The following WDR55 variants were observed in gnomAD, a reference collection of about 807,000 sequenced individuals.
WDR55 encodes WD repeat domain 55, also known as WD repeat-containing protein 55.
WDR55 carries 31 observed loss-of-function variants against 34.0 expected under a neutral mutation model. The ratio of observed to expected loss-of-function variants is 0.91; its 90% CI spans 0.69 to 1.23. WDR55 has a LOEUF of 1.23. Among genes scored for constraint, WDR55 ranks in the 50% most tolerant of loss-of-function variants. WDR55 has a pLI of 0.00. For synonymous variants in WDR55, 164 were observed against 185.9 expected (o/e 0.88, Z 0.96); for missense variants, 440 against 494.6 (o/e 0.89, Z 1.05).
At chr5:140,667,306 G>A (rs1757950166) in intron 1 of WDR55, 3 of 283,870 alleles carry the variant, frequency 1.1e-5, no homozygotes, top group African/African-American at 6.9e-5. Flanking sequence ...CCTTTTCCGA[G>A]GATTAAATTC....
chr5:140,666,564 C>T (rs1455293780), intron 1 of WDR55: 1 of 979,122 alleles, frequency 1.0e-6, no homozygotes, highest in Non-Finnish European at 1.2e-6. Context: ...GCACCAGGTG[C>T]CATGGTACCT....
rs1332771332 is a variant in WDR55 at position 140,670,362 on chromosome 5, T to TG, written c.*708_*709insG. 6.6e-6 allele frequency: 1 copy of TG among 151,158 alleles called. No individual in the cohort carries two copies. The highest frequency in any genetic ancestry group is 1.5e-5 in the Non-Finnish European group (1 of 68,088). 9.4% of individuals were successfully genotyped at this position (151,158 alleles called of 1,614,324 possible). On this transcript the variant is annotated 3_prime_UTR_variant, in exon 7 of 7. Transcript: ENST00000358337. ...GATATGAAATTTTTTTTTTTTTTTT[T>TG]TTTGAGACAGGGTTTCGCTCTTGTT... is the stretch of plus-strand genomic sequence containing the variant.
At chr5:140,668,377 C>A (rs373304228) in intron 2 of WDR55, 38 bp from the exon 3 acceptor site, 3 of 1,614,204 alleles carry the variant, frequency 1.9e-6, no homozygotes, top group Non-Finnish European at 2.5e-6. Context: ...TGGAAGGGAG[C>A]AGTGAGCAGC....
chr5:140,668,270 G>C lies in WDR55; in HGVS notation c.228G>C (p.Glu76Asp). Residue 76 changes from glutamate to aspartate, a missense_variant, in exon 2 of 7, where the codon GAG (glutamate) becomes GAC (aspartate). By Grantham distance (45) the Glu-to-Asp change is conservative (BLOSUM62 2). Coordinates refer to ENST00000358337, the MANE Select transcript of WDR55 (RefSeq NM_017706.5). ...SYSCQEGETK[E>D]LWSSGHHLKA... ...CTTGCCAAGAGGGAGAAACCAAGGA[G>C]CTCTGGTCATCAGGTCACCATCTCA... The C allele has an allele frequency of 1.2e-6, 2 of 1,613,332 alleles. No homozygotes were observed. The highest frequency in any genetic ancestry group is 8.5e-7 in the Non-Finnish European group (1 of 1,179,412).
Position 140,665,107 on chromosome 5 carries a change from A to G in WDR55, c.191+4A>G. 6.3e-7 allele frequency: 1 copy of G among 1,585,608 alleles called. No individual in the cohort carries two copies. The highest frequency in any genetic ancestry group is 8.6e-7 in the Non-Finnish European group (1 of 1,163,502). ...ACGTGGACGGGGACGTGTTCGTGTG[A>G]GAGCGGGGCAGGGCCGGGGCGCCGG... On this transcript the variant is annotated splice_donor_region_variant and intron_variant, in intron 1 of 6. Coordinates refer to ENST00000358337, the MANE Select transcript of WDR55 (RefSeq NM_017706.5).
chr5:140,672,164 C>T lies in WDR55; in HGVS notation c.*2510C>T. 1 of 567,020 alleles carries T rather than the reference C, an allele frequency of 1.8e-6. No homozygotes were observed. The highest frequency in any genetic ancestry group is 3.1e-6 in the Non-Finnish European group (1 of 317,708). 35.1% of individuals were successfully genotyped at this position (567,020 alleles called of 1,614,324 possible). ...CCCTTGAGCAAATCAATTTCTCTAA[C>T]AGTTTCCTCATAGCTTGAGGGTCCT... On this transcript the variant is annotated 3_prime_UTR_variant, in exon 7 of 7. Coordinates refer to ENST00000358337, the MANE Select transcript of WDR55 (RefSeq NM_017706.5).
In WDR55 at chr5:140,672,132, T is replaced by C. The variant is rs1192846627; in HGVS notation, c.*2478T>C. On this transcript the variant is annotated 3_prime_UTR_variant, in exon 7 of 7. Transcript: ENST00000358337. Reference sequence around the variant, plus strand: ...GATTCTATAGTAGTAAAAAGCTCAGTTGGATTCCCTTGAGCAAATCAATTT... The same window carrying C: ...GATTCTATAGTAGTAAAAAGCTCAGCTGGATTCCCTTGAGCAAATCAATTT... 3.6e-6 allele frequency: 2 copies of C among 549,072 alleles called. No individual in the cohort carries two copies. The highest frequency in any genetic ancestry group is 6.5e-6 in the Non-Finnish European group (2 of 306,574). 34.0% of individuals were successfully genotyped at this position (549,072 alleles called of 1,614,324 possible). A position where few individuals can be genotyped will look rare whatever the true frequency, so the allele number is the denominator to read the frequency against.
rs747955941 is a variant in WDR55, at chr5:140,668,218, C to T, written c.192-16C>T. 1 of 1,585,168 alleles carries T rather than the reference C, an allele frequency of 6.3e-7. No individual in the cohort carries two copies. The highest frequency in any genetic ancestry group is 2.2e-5 in the East Asian group (1 of 44,688). The stretch of plus-strand genomic sequence containing the variant: ...GCTGGGTCTGGAGTCATTTACCCTC[C>T]TTGCCCTCTCCCCAGCTTTTCCTAC... On this transcript the variant is annotated splice_polypyrimidine_tract_variant and intron_variant, in intron 1 of 6. Transcript: ENST00000358337.
Position 140,668,474 on chromosome 5 carries a change from C to A in WDR55, c.352C>A (p.Leu118Met). ...IHVLDVEQGQ[L>M]ERRVSKAHGA... ...TGTTCTAGATGTGGAGCAGGGCCAA[C>A]TGGAAAGACGTGTTTCCAAGGCTCA... Residue 118 changes from leucine to methionine, a missense_variant, in exon 3 of 7, where the codon CTG (leucine) becomes ATG (methionine). By Grantham distance (15) the Leu-to-Met change is conservative (BLOSUM62 2). Coordinates refer to ENST00000358337, the MANE Select transcript of WDR55 (RefSeq NM_017706.5). 1 of 1,614,214 alleles carries A rather than the reference C, an allele frequency of 6.2e-7. No homozygotes were observed. The highest frequency in any genetic ancestry group is 1.1e-5 in the South Asian group (1 of 91,082).
chr5:140,665,382 G>A (rs1757894171), intron 1 of WDR55, among the ~76,000 whole-genome samples: 1 of 152,100 alleles, frequency 6.6e-6, no homozygotes, highest in African/African-American at 2.4e-5. Context: ...TTTTTGAGAC[G>A]GAGTCTCGCT....
Position 140,671,159 on chromosome 5 carries a change from G to A in WDR55, c.*1505G>A. The A allele has an allele frequency of 8.7e-7, 1 of 1,155,478 alleles. No homozygotes were observed. The highest frequency in any genetic ancestry group is 2.0e-5 in the Admixed American group (1 of 51,198). 71.6% of individuals were successfully genotyped at this position (1,155,478 alleles called of 1,614,324 possible). ...GGTGCCATAGGTCCCTGTCCCAGCA[G>A]GGAGGCTGATGGGCCTGGGCCCATG... On this transcript the variant is annotated 3_prime_UTR_variant, in exon 7 of 7. Transcript: ENST00000358337.
chr5:140,671,889 CAATG>C lies in WDR55; in HGVS notation c.*2238_*2241del, dbSNP rs1255895956. ...TAGTGTGACCATGGGTAAGAAAAGA[CAATG>C]AAGCCTTCAGCCTCCATTATTTGCA... On this transcript the variant is annotated 3_prime_UTR_variant, in exon 7 of 7. Transcript: ENST00000358337. 8 of 952,342 alleles carry C rather than the reference CAATG, an allele frequency of 8.4e-6. No homozygotes were observed. The Admixed American group carries it at 1.7e-4, about 20-fold the overall frequency. 59.0% of individuals were successfully genotyped at this position (952,342 alleles called of 1,614,324 possible).
At chr5:140,665,725 C>T (rs1420396646) in intron 1 of WDR55, among the ~76,000 whole-genome samples, 1 of 152,144 alleles carries the variant, frequency 6.6e-6, no homozygotes. Flanking sequence ...TTTCAAACCA[C>T]AAATCTTGGC....
chr5:140,666,220 A>G (rs946753091), intron 1 of WDR55, among the ~76,000 whole-genome samples: 38 of 151,598 alleles, frequency 2.5e-4, no homozygotes, highest in African/African-American at 8.5e-4. Flanking sequence ...ACATGGTGAA[A>G]TCCTGTCTCT....
chr5:140,672,331 T>C lies in WDR55; in HGVS notation c.*2677T>C. ...AAATCTGAGATCAAATAGTAAAAGGTTGCAAATTCTGGCATGTTTGACTCT... is the reference window on the plus strand; with the variant it reads ...AAATCTGAGATCAAATAGTAAAAGGCTGCAAATTCTGGCATGTTTGACTCT... On this transcript the variant is annotated 3_prime_UTR_variant, in exon 7 of 7. Transcript: ENST00000358337. The C allele has an allele frequency of 1.7e-6, 2 of 1,151,500 alleles. No individual in the cohort carries two copies. Among genetic ancestry groups the C allele is most frequent in the African/African-American group, 1.6e-5 (1 of 64,412 alleles). The allele number at this position is 1,151,500 out of a possible 1,614,324, so 71.3% of individuals were successfully genotyped here.
Position 140,672,032 on chromosome 5 carries a change from G to A in WDR55, c.*2378G>A, listed in dbSNP as rs1758090835. ...TGGCTAATCTTTACTGGGAAAACTT[G>A]CTGTAAGTCAGTCAGTGTGCTAAGT... On this transcript the variant is annotated 3_prime_UTR_variant, in exon 7 of 7. Transcript: ENST00000358337. The A allele has an allele frequency of 6.9e-6, 4 of 577,350 alleles. No individual in the cohort carries two copies. Among genetic ancestry groups the A allele is most frequent in the Non-Finnish European group, 1.2e-5 (4 of 323,700 alleles). The allele number at this position is 577,350 out of a possible 1,614,324, so 35.8% of individuals were successfully genotyped here.
Position 140,668,118 on chromosome 5 carries a change from G to C in WDR55, c.192-116G>C. On this transcript the variant is annotated intron_variant, in intron 1 of 6. Transcript: ENST00000358337. ...GATGGTAAACTTTTTGGGCTTAGAG[G>C]TGTAGAAGCAGGAACTCTTAGGTAG... 3 of 1,210,438 alleles carry C rather than the reference G, an allele frequency of 2.5e-6. No individual in the cohort carries two copies. The South Asian group carries it at 5.1e-5, about 21-fold the overall frequency. The allele number at this position is 1,210,438 out of a possible 1,614,324, so 75.0% of individuals were successfully genotyped here. A position where few individuals can be genotyped will look rare whatever the true frequency, so the allele number is the denominator to read the frequency against.
chr5:140,668,141 T>C, intron 1 of WDR55, 93 bp from the exon 2 acceptor site: 1 of 1,395,568 alleles, frequency 7.2e-7, no homozygotes. Flanking sequence ...AACTCTTAGG[T>C]AGGTGGGAAG....
At position 140,670,959 on chromosome 5, in the gene WDR55, A is replaced by T. The variant is rs1047079061; in HGVS notation, c.*1305A>T. The T allele has an allele frequency of 1.0e-5, 4 of 393,640 alleles. No homozygotes were observed. Among genetic ancestry groups the T allele is most frequent in the Non-Finnish European group, 1.9e-5 (4 of 210,766 alleles). The allele number at this position is 393,640 out of a possible 1,614,324, so 24.4% of individuals were successfully genotyped here. On this transcript the variant is annotated 3_prime_UTR_variant, in exon 7 of 7. Transcript: ENST00000358337. Reference sequence around the variant, plus strand: ...AAATAAAAACCAACAAAGAGGACAAATCAGGACAATAAAGAAGATTCATGC... The same window carrying T: ...AAATAAAAACCAACAAAGAGGACAATTCAGGACAATAAAGAAGATTCATGC...
Sources: gnomAD v4.1 joint callset for allele counts (sites outside exome capture counted in the v4.1 genomes callset) on GRCh38, gnomAD v4.1.1 for gene constraint, MANE v1.5 for transcripts, NCBI Gene and HGNC (gene_info 2026-07-23, HGNC 2026-07-21) for gene names.